CYP27A1: variants seen among roughly 807,000 people sequenced by gnomAD.
The protein encoded by CYP27A1 is sterol 26-hydroxylase, mitochondrial.
CYP27A1 carries 46 observed loss-of-function variants against 58.2 expected under a neutral mutation model. The observed-to-expected ratio is 0.79, with a 90% CI of 0.62 to 1.01. The LOEUF (loss-of-function observed/expected upper bound fraction) is 1.01. Ranked by LOEUF, CYP27A1 falls within the 50% of genes least tolerant of loss-of-function variation. The probability of loss-of-function intolerance (pLI) is 0.00; values close to 1 mark genes in which losing one functional copy is unlikely to be tolerated. For missense variants in CYP27A1, 704 were observed against 687.0 expected (o/e 1.02, Z -0.28); for synonymous variants, 274 against 285.1 (o/e 0.96, Z 0.39).
intron 1 of CYP27A1, among the ~76,000 whole-genome samples, chr2:218,802,932 T>C (rs980116861): frequency 6.6e-6 from 1 of 152,226 alleles, no homozygotes; most frequent in African/African-American, 2.4e-5. Flanking sequence ...TCAAGTTCTT[T>C]GCTTATTTAA....
At chr2:218,814,235 G>A (rs1481835843) in intron 6 of CYP27A1, 48 bp downstream of exon 6, 1 of 1,612,848 alleles carries the variant, frequency 6.2e-7, no homozygotes, top group East Asian at 2.2e-5. Context: ...TTTGTGGGGA[G>A]GGAATCAGAG....
At chr2:218,813,584 C>T (rs1159229823) in intron 5 of CYP27A1, among the ~76,000 whole-genome samples, 1 of 152,048 alleles carries the variant, frequency 6.6e-6, no homozygotes, top group Non-Finnish European at 1.5e-5. Flanking sequence ...CACCACCATG[C>T]CCAGCTTTTT....
chr2:218,798,746 G>T (rs932060288), intron 1 of CYP27A1, among the ~76,000 whole-genome samples: 3 of 152,052 alleles, frequency 2.0e-5, no homozygotes, highest in Admixed American at 2.0e-4. Flanking sequence ...AGCTGGACGT[G>T]GTGGCATATG....
At chr2:218,813,753 C>G (rs1246377199) in intron 5 of CYP27A1, among the ~76,000 whole-genome samples, 18 of 152,020 alleles carry the variant, frequency 1.2e-4, no homozygotes, top group Non-Finnish European at 8.8e-5. Context: ...CTTTATGGTT[C>G]CTATTTCCAG....
intron 1 of CYP27A1, among the ~76,000 whole-genome samples, chr2:218,788,093 A>T (rs763652299): frequency 6.6e-6 from 1 of 152,202 alleles, no homozygotes; most frequent in Non-Finnish European, 1.5e-5. Flanking sequence ...CAAAATGGAG[A>T]GGATTGCTCA....
chr2:218,813,139 A>C, intron 5 of CYP27A1, 43 bp downstream of exon 5: 1 of 1,559,570 alleles, frequency 6.4e-7, no homozygotes. Context: ...CCCAGCTCCC[A>C]ACCTGAACCA....
At chr2:218,804,089 C>A (rs1031501447) in intron 1 of CYP27A1, among the ~76,000 whole-genome samples, 1 of 152,034 alleles carries the variant, frequency 6.6e-6, no homozygotes, top group African/African-American at 2.4e-5. Context: ...ATTCCTCATG[C>A]ATTTGTTATC....
At chr2:218,796,891 G>A (rs115624851) in intron 1 of CYP27A1, among the ~76,000 whole-genome samples, 1,730 of 152,122 alleles carry the variant, frequency 0.011, 15 homozygotes, top group Non-Finnish European at 0.018. Flanking sequence ...TTCCAATGTC[G>A]CAATATCCAA....
intron 2 of CYP27A1, among the ~76,000 whole-genome samples, chr2:218,810,523 T>TG (rs1421604067): frequency 6.6e-6 from 1 of 152,192 alleles, no homozygotes; most frequent in Non-Finnish European, 1.5e-5. Flanking sequence ...GTCAGATGAC[T>TG]GGGGAAAAAA....
intron 1 of CYP27A1, among the ~76,000 whole-genome samples, chr2:218,800,064 T>C (rs1943584423): frequency 6.6e-6 from 1 of 152,318 alleles, no homozygotes; most frequent in East Asian, 1.9e-4. Context: ...CCTCCATTGC[T>C]GAGAAACTCC....
intron 1 of CYP27A1, 111 bp from the exon 2 acceptor site, chr2:218,809,465 GC>G: frequency 1.1e-3 from 49 of 46,206 alleles, no homozygotes; most frequent in Middle Eastern, 6.8e-3. Context: ...TTTTTTTTTT[GC>G]CCAGCTCATT....
At chr2:218,783,733 A>G (rs931112961) in intron 1 of CYP27A1, among the ~76,000 whole-genome samples, 3 of 152,188 alleles carry the variant, frequency 2.0e-5, no homozygotes, top group African/African-American at 7.2e-5. Flanking sequence ...TGCCTCCACA[A>G]GGACACTTGG....
chr2:218,800,699 G>T (rs1943591929), intron 1 of CYP27A1, among the ~76,000 whole-genome samples: 1 of 152,094 alleles, frequency 6.6e-6, no homozygotes, highest in African/African-American at 2.4e-5. Flanking sequence ...ATAGCACAAT[G>T]CCTTATACCC....
intron 1 of CYP27A1, among the ~76,000 whole-genome samples, chr2:218,798,870 G>A (rs184103636): frequency 3.4e-5 from 5 of 145,912 alleles, no homozygotes; most frequent in African/African-American, 5.2e-5. Context: ...GTGACAGAGC[G>A]AGACTTGATC....
Position 218,812,395 on chromosome 2 carries a change from A to G in CYP27A1, c.620A>G (p.Gln207Arg), listed in dbSNP as rs766445223. 3.1e-6 allele frequency: 5 copies of G among 1,614,142 alleles called. No homozygotes were observed. The highest frequency in any genetic ancestry group is 4.2e-6 in the Non-Finnish European group (5 of 1,180,016). The change falls in exon 3 of 9, where the codon CAA (glutamine) becomes CGA (arginine). Residue 207 changes from glutamine (Q) to arginine (R), a missense_variant. Physicochemically the swap from Gln to Arg is conservative, Grantham distance 43. Transcript: ENST00000258415. ...ASGNQVSDMA[Q>R]LFYYFALEAI... ...GGGAACCAGGTGTCGGACATGGCTCAACTCTTCTACTACTTTGCCTTGGAA... is the reference window on the plus strand; with the variant it reads ...GGGAACCAGGTGTCGGACATGGCTCGACTCTTCTACTACTTTGCCTTGGAA...
In CYP27A1 at chr2:218,815,023, A is replaced by G. The variant is rs911127639; in HGVS notation, c.1589A>G (p.Gln530Arg). 1.2e-6 allele frequency: 2 copies of G among 1,614,238 alleles called. No homozygotes were observed. The highest frequency in any genetic ancestry group is 1.7e-6 in the Non-Finnish European group (2 of 1,180,046). ...GTGGGCCTGCAGTTCCTGCAGAGAC[A>G]GTGCTGAGCTGAGTCTCCGCCTTGC... ...KKVGLQFLQR[Q>R]C is the part of the protein sequence containing the mutation. The change falls in exon 9 of 9, where the codon CAG becomes CGG. Residue 530 changes from glutamine (Q) to arginine (R), a missense_variant. By Grantham distance (43) the Gln-to-Arg change is conservative. Transcript: ENST00000258415.
chr2:218,809,508 C>T, intron 1 of CYP27A1, 69 bp from the exon 2 acceptor site: 1 of 1,089,268 alleles, frequency 9.2e-7, no homozygotes, highest in Non-Finnish European at 1.3e-6. Context: ...CCCTTCCTCA[C>T]CTCATCTCCT....
chr2:218,813,015 C>T lies in CYP27A1; in HGVS notation c.936C>T (p.His312=), dbSNP rs778505041. ...PDGIQVSGYL[H]FLLASGQLSP... ...GCATCCAGGTGTCTGGCTACCTGCA[C>T]TTCTTACTGGCCAGTGGACAGCTCA... The change falls in exon 5 of 9, where the codon CAC becomes CAT. Residue 312 remains histidine (H), a synonymous_variant. Transcript: ENST00000258415. 4.3e-6 allele frequency: 7 copies of T among 1,614,254 alleles called. No homozygotes were observed. The highest frequency in any genetic ancestry group is 1.3e-5 in the African/African-American group (1 of 75,060).
chr2:218,802,380 G>C (rs1434667740), intron 1 of CYP27A1, among the ~76,000 whole-genome samples: 1 of 151,350 alleles, frequency 6.6e-6, no homozygotes, highest in African/African-American at 2.4e-5. Flanking sequence ...AACTACTTGC[G>C]TTGTTACTCC....
Sources: allele counts gnomAD v4.1 joint callset (sites outside exome capture counted in the v4.1 genomes callset), GRCh38; gene constraint gnomAD v4.1.1; transcripts MANE v1.5; gene names NCBI Gene and HGNC (gene_info 2026-07-23, HGNC 2026-07-21).